The following CEP128 variants were observed in gnomAD, a reference collection of about 807,000 sequenced individuals.
The protein encoded by CEP128 is centrosomal protein 128kDa.
In CEP128, 132 loss-of-function variants were observed where a neutral mutation model predicts 156.7. The ratio of observed to expected loss-of-function variants is 0.84; its 90% CI spans 0.73 to 0.97. The LOEUF is 0.97. Ranked by LOEUF, CEP128 falls within the 50% of genes least tolerant of loss-of-function variation. CEP128 has a pLI of 0.00. For synonymous variants in CEP128, 469 were observed against 448.9 expected, an observed-to-expected ratio of 1.04 and a Z score of -0.57; for missense variants, 1,252 against 1,281.9, an observed-to-expected ratio of 0.98 and a Z score of 0.36.
chr14:80,847,246 T>C (rs745894881), intron 9 of CEP128, among the ~76,000 whole-genome samples: 18 of 152,182 alleles, frequency 1.2e-4, no homozygotes, highest in Non-Finnish European at 2.4e-4. Flanking sequence ...AAAAGCATGA[T>C]GTATCTCAGA....
chr14:80,709,301 G>A (rs1051212914), intron 19 of CEP128, among the ~76,000 whole-genome samples: 2 of 151,876 alleles, frequency 1.3e-5, no homozygotes, highest in Admixed American at 6.6e-5. Context: ...ACCATGCCCA[G>A]CTAATTTTGT....
At position 80,904,905 on chromosome 14, in the gene CEP128, G is replaced by C. The variant is rs1883796392; in HGVS notation, c.388C>G (p.Pro130Ala). ...SELHHFPPTS[P>A]LKDYGDPQGI... Reference sequence around the variant, plus strand: ...TGTGGATCCCCATAGTCCTTGAGAGGTGAGGTAGGTGGAAAATGATGGAGC... The same window carrying C: ...TGTGGATCCCCATAGTCCTTGAGAGCTGAGGTAGGTGGAAAATGATGGAGC... The change falls in exon 6 of 25, where the codon CCT (proline) becomes GCT (alanine). Residue 130 changes from proline (P) to alanine (A), a missense_variant. By Grantham distance (27) the Pro-to-Ala change is conservative. Coordinates refer to ENST00000555265, the MANE Select transcript of CEP128 (RefSeq NM_152446.5). The C allele has an allele frequency of 1.9e-6, 3 of 1,606,718 alleles. No individual in the cohort carries two copies. Among genetic ancestry groups the C allele is most frequent in the Middle Eastern group, 1.6e-4 (1 of 6,074 alleles).
chr14:80,954,376 C>G (rs1886549904), intron 2 of CEP128, among the ~76,000 whole-genome samples: 1 of 152,042 alleles, frequency 6.6e-6, no homozygotes, highest in African/African-American at 2.4e-5. Flanking sequence ...GTTTGTTTAT[C>G]CATTATCTAG....
At chr14:80,851,918 T>C (rs1886910159) in intron 9 of CEP128, among the ~76,000 whole-genome samples, 1 of 152,024 alleles carries the variant, frequency 6.6e-6, no homozygotes, top group South Asian at 2.1e-4. Flanking sequence ...GTAATTTAAT[T>C]ATACATAAGA....
intron 19 of CEP128, among the ~76,000 whole-genome samples, chr14:80,694,173 G>C (rs991850797): frequency 6.6e-6 from 1 of 152,108 alleles, no homozygotes; most frequent in Admixed American, 6.5e-5. Context: ...ATCAACACTG[G>C]CCATTAGAGA....
intron 8 of CEP128, among the ~76,000 whole-genome samples, chr14:80,895,169 T>C (rs1348962973): frequency 1.3e-5 from 2 of 152,060 alleles, no homozygotes; most frequent in Non-Finnish European, 2.9e-5. Flanking sequence ...TAAAAATAAA[T>C]CACTGAACAG....
At chr14:80,757,486 T>C (rs1037521520) in intron 17 of CEP128, among the ~76,000 whole-genome samples, 2 of 152,244 alleles carry the variant, frequency 1.3e-5, no homozygotes, top group Non-Finnish European at 2.9e-5. Flanking sequence ...ATAGTTCATC[T>C]GCGCTAGCTG....
At chr14:80,718,558 A>G (rs139079829) in intron 19 of CEP128, among the ~76,000 whole-genome samples, 1 of 152,250 alleles carries the variant, frequency 6.6e-6, no homozygotes, top group Non-Finnish European at 1.5e-5. Context: ...AATTTGGAAC[A>G]CAGAATACAC....
At chr14:80,477,066 C>G (rs1010090550) in exon 15 of CEP128, 1 of 152,018 alleles carries the variant, frequency 6.6e-6, no homozygotes, top group Non-Finnish European at 1.5e-5. Context: ...CCTATCACGT[C>G]AAAACAATGA....
chr14:80,530,539 T>C (rs1413669153), intron 22 of CEP128, among the ~76,000 whole-genome samples: 1 of 152,236 alleles, frequency 6.6e-6, no homozygotes, highest in Non-Finnish European at 1.5e-5. Flanking sequence ...TAGGCTTTTC[T>C]AAATTATCAT....
At chr14:80,958,492 A>C (rs554122527) in intron 1 of CEP128, among the ~76,000 whole-genome samples, 3 of 152,304 alleles carry the variant, frequency 2.0e-5, no homozygotes, top group Non-Finnish European at 4.4e-5. Flanking sequence ...AGTCACATTC[A>C]GTAAACCGAC....
intron 8 of CEP128, among the ~76,000 whole-genome samples, chr14:80,868,881 T>C (rs1887899119): frequency 6.6e-6 from 1 of 151,674 alleles, no homozygotes; most frequent in African/African-American, 2.4e-5. Context: ...ACACTATAAG[T>C]CAAAAAATGT....
At chr14:80,587,708 T>C (rs554428878) in intron 19 of CEP128, among the ~76,000 whole-genome samples, 3 of 152,240 alleles carry the variant, frequency 2.0e-5, no homozygotes, top group South Asian at 4.1e-4. Context: ...AGTAAGAACA[T>C]ATTCAGTAGG....
chr14:80,716,513 C>G (rs1269111604), intron 19 of CEP128, among the ~76,000 whole-genome samples: 1 of 152,134 alleles, frequency 6.6e-6, no homozygotes, highest in African/African-American at 2.4e-5. Flanking sequence ...TATGTGTTCC[C>G]TTATGATTGA....
chr14:80,581,555 G>C (rs1388581295), intron 19 of CEP128, among the ~76,000 whole-genome samples: 1 of 152,150 alleles, frequency 6.6e-6, no homozygotes, highest in East Asian at 1.9e-4. Flanking sequence ...ACAGCTAAGA[G>C]GGTTACAGAT....
intron 2 of CEP128, chr14:80,955,538 G>A: frequency 1.0e-6 from 1 of 973,624 alleles, no homozygotes; most frequent in Non-Finnish European, 1.6e-6. Context: ...CCTCCACAGT[G>A]GTGAGGTCAC....
intron 2 of CEP128, among the ~76,000 whole-genome samples, chr14:80,956,227 G>T (rs144721732): frequency 6.6e-6 from 1 of 152,168 alleles, no homozygotes; most frequent in Non-Finnish European, 1.5e-5. Flanking sequence ...CTTACCTTGG[G>T]TAATAAAAAA....
chr14:80,768,133 A>C (rs545807145), intron 16 of CEP128, among the ~76,000 whole-genome samples: 1 of 152,302 alleles, frequency 6.6e-6, no homozygotes, highest in South Asian at 2.1e-4. Context: ...AATTATAAAC[A>C]AGAAAAAAAT....
chr14:80,643,997 A>G (rs530918459), intron 19 of CEP128, among the ~76,000 whole-genome samples: 15 of 152,338 alleles, frequency 9.8e-5, no homozygotes, highest in African/African-American at 3.1e-4. Flanking sequence ...GTGTCCTCAC[A>G]TGAGAAAAGA....
Sources: gnomAD v4.1 joint callset for allele counts (sites outside exome capture counted in the v4.1 genomes callset) on GRCh38, gnomAD v4.1.1 for gene constraint, MANE v1.5 for transcripts, NCBI Gene and HGNC (gene_info 2026-07-23, HGNC 2026-07-21) for gene names.